ABCA1: variants seen among roughly 807,000 people sequenced by gnomAD.
ABCA1 encodes phospholipid-transporting ATPase ABCA1.
Under a neutral mutation model 262.5 loss-of-function variants are expected in ABCA1, and 133 were observed. That is an observed-to-expected ratio of 0.51 (90% CI 0.44 to 0.59). ABCA1 has a LOEUF of 0.59. Among genes scored for constraint, ABCA1 ranks in the 20% least tolerant of loss-of-function variants. The pLI, the probability that ABCA1 is intolerant of heterozygous loss-of-function variation, is 0.00. For missense variants in ABCA1, 2,452 were observed against 2,777.5 expected, an observed-to-expected ratio of 0.88 and a Z score of 2.63; for synonymous variants, 1,022 against 1,043.5, an observed-to-expected ratio of 0.98 and a Z score of 0.40.
chr9:104,879,073 T>C (rs1292880002), intron 5 of ABCA1, among the ~76,000 whole-genome samples: 1 of 143,296 alleles, frequency 7.0e-6, no homozygotes, highest in African/African-American at 2.6e-5. Flanking sequence ...GGCTCTGTCT[T>C]AAAAAAAAAA....
chr9:104,903,756 C>T lies in ABCA1; in HGVS notation c.-77G>A, dbSNP rs552862064. The T allele has an allele frequency of 5.8e-4, 791 of 1,356,066 alleles. 8 individuals are homozygous for T. The highest frequency in any genetic ancestry group is 1.4e-4 in the Non-Finnish European group (132 of 971,900). 84.0% of individuals were successfully genotyped at this position (1,356,066 alleles called of 1,614,324 possible). ...CGGCCAGAGCTCACAGCAGGGACGC[C>T]GTGGCTGGTCATTAACTGAAAGATA... On this transcript the variant is annotated 5_prime_UTR_variant, in exon 2 of 50. Coordinates refer to ENST00000374736, the MANE Select transcript of ABCA1 (RefSeq NM_005502.4).
At chr9:104,881,001 T>C (rs570429875) in intron 5 of ABCA1, among the ~76,000 whole-genome samples, 56 of 151,868 alleles carry the variant, frequency 3.7e-4, no homozygotes, top group African/African-American at 1.2e-3. Context: ...ATACAAAAAT[T>C]AGTTGGGCAT....
Position 104,784,402 on chromosome 9 carries a change from G to C in ABCA1, c.6699C>G (p.Leu2233=). The C allele has an allele frequency of 6.2e-7, 1 of 1,614,112 alleles. No homozygotes were observed. Among genetic ancestry groups the C allele is most frequent in the Non-Finnish European group, 8.5e-7 (1 of 1,180,000 alleles). The change falls in exon 50 of 50, where the codon CTC becomes CTG. Residue 2233 remains leucine, a synonymous_variant. Coordinates refer to ENST00000374736, the MANE Select transcript of ABCA1 (RefSeq NM_005502.4). ...CTACTGTCTGGTTTTTGTGTAATGA[G>C]AGGTCTTTTAAGTGGTCATCATCAC... is the stretch of plus-strand genomic sequence containing the variant. ...DQSDDDHLKD[L]SLHKNQTVVD...
At chr9:104,912,767 A>G (rs1223621206) in intron 1 of ABCA1, among the ~76,000 whole-genome samples, 2 of 152,228 alleles carry the variant, frequency 1.3e-5, no homozygotes, top group East Asian at 1.9e-4. Flanking sequence ...GCACATAGAA[A>G]AAAAGAATCT....
chr9:104,823,397 T>C (rs1272589418), intron 18 of ABCA1, among the ~76,000 whole-genome samples: 1 of 152,208 alleles, frequency 6.6e-6, no homozygotes, highest in Non-Finnish European at 1.5e-5. Context: ...CCTATGTCAA[T>C]TTCATGGTTT....
chr9:104,902,075 G>A (rs2118423196), intron 2 of ABCA1, among the ~76,000 whole-genome samples: 1 of 152,252 alleles, frequency 6.6e-6, no homozygotes, highest in Non-Finnish European at 1.5e-5. Context: ...TTTGTAACAT[G>A]AGAGGCTGAA....
At chr9:104,806,106 GAA>G in intron 31 of ABCA1, 133 bp downstream of exon 31, 1 of 931,720 alleles carries the variant, frequency 1.1e-6, no homozygotes. Flanking sequence ...CTCCGCCTCA[GAA>G]AAAAAAACAA....
intron 10 of ABCA1, 85 bp from the exon 11 acceptor site, chr9:104,837,181 C>T: frequency 8.3e-7 from 1 of 1,204,588 alleles, no homozygotes; most frequent in Non-Finnish European, 1.2e-6. Context: ...TGAAAAGATA[C>T]CCCATCACAG....
chr9:104,814,858 G>A (rs1831597891), intron 25 of ABCA1, among the ~76,000 whole-genome samples: 1 of 152,200 alleles, frequency 6.6e-6, no homozygotes, highest in Non-Finnish European at 1.5e-5. Context: ...AGCTGGGCGT[G>A]GTAGCACATG....
chr9:104,831,706 C>T lies in ABCA1; in HGVS notation c.1631G>A (p.Gly544Asp). 4 of 1,614,198 alleles carry T rather than the reference C, an allele frequency of 2.5e-6. No individual in the cohort carries two copies. The highest frequency in any genetic ancestry group is 3.4e-6 in the Non-Finnish European group (4 of 1,180,030). ...AGIVFTGITPGSIELPHHVKY... is the reference protein window; with the variant it reads ...AGIVFTGITPDSIELPHHVKY... ...GACATGATGGGGCAGCTCAATGCTG[C>T]CTGGAGTAATTCCAGTGAACACAAT... Residue 544 changes from glycine (G) to aspartate (D), a missense_variant, in exon 13 of 50, where the codon GGC becomes GAC. Gly to Asp is a moderately conservative substitution (Grantham distance 94, BLOSUM62 -1). This residue lies in a region of ABCA1 where 1,032 missense variants were observed against 1,089.7 expected (regional missense o/e 0.95). Coordinates refer to ENST00000374736, the MANE Select transcript of ABCA1 (RefSeq NM_005502.4).
intron 43 of ABCA1, 25 bp downstream of exon 43, chr9:104,791,911 C>T (rs778195396): frequency 7.3e-5 from 118 of 1,610,038 alleles, no homozygotes; most frequent in Middle Eastern, 1.6e-4. Flanking sequence ...TAGGGACAAA[C>T]GCAATATAGA....
At chr9:104,836,012 C>T (rs997193030) in intron 11 of ABCA1, among the ~76,000 whole-genome samples, 5 of 152,188 alleles carry the variant, frequency 3.3e-5, no homozygotes, top group Non-Finnish European at 5.9e-5. Flanking sequence ...CTTAGGTCTA[C>T]GGGGCTAGAT....
intron 1 of ABCA1, among the ~76,000 whole-genome samples, chr9:104,915,251 T>C (rs1841773890): frequency 6.6e-6 from 1 of 152,224 alleles, no homozygotes. Context: ...GAGACAGTCA[T>C]ATGTCATGTG....
At chr9:104,915,492 T>C (rs1181813279) in intron 1 of ABCA1, among the ~76,000 whole-genome samples, 2 of 152,236 alleles carry the variant, frequency 1.3e-5, no homozygotes, top group African/African-American at 4.8e-5. Context: ...CACTTACTTG[T>C]GATTCTGAAA....
At chr9:104,854,877 G>C (rs1453453056) in intron 7 of ABCA1, among the ~76,000 whole-genome samples, 2 of 152,200 alleles carry the variant, frequency 1.3e-5, no homozygotes, top group African/African-American at 4.8e-5. Flanking sequence ...CTTTTGAGTT[G>C]AGTCCAGCTC....
intron 29 of ABCA1, among the ~76,000 whole-genome samples, chr9:104,810,141 C>CATATATATATAT (rs35876406): frequency 5.2e-4 from 66 of 126,836 alleles, no homozygotes; most frequent in East Asian, 9.5e-4. Context: ...ATTCACATTA[C>CATATATATATAT]ATATATATAT....
In ABCA1 at chr9:104,845,578, AG is replaced by A. The variant is rs572535481; in HGVS notation, c.721-10del. 1.8e-4 allele frequency: 284 copies of A among 1,594,996 alleles called. No homozygotes were observed. The African/African-American group carries it at 3.7e-3, about 21-fold the overall frequency. ...GTAGAGTTTAGTGTTCTCTGTAATG[AG>A]AAAGAAAACTTTGTTTCTGAATTCA... On this transcript the variant is annotated splice_polypyrimidine_tract_variant and intron_variant, in intron 7 of 49. Transcript: ENST00000374736.
intron 3 of ABCA1, among the ~76,000 whole-genome samples, chr9:104,885,588 C>G (rs1839098915): frequency 6.6e-6 from 1 of 152,158 alleles, no homozygotes; most frequent in African/African-American, 2.4e-5. Flanking sequence ...ACTAGGTCAT[C>G]CTCTTGCTCT....
intron 28 of ABCA1, among the ~76,000 whole-genome samples, chr9:104,811,173 T>A (rs1280730172): frequency 6.6e-6 from 1 of 152,250 alleles, no homozygotes; most frequent in African/African-American, 2.4e-5. Context: ...GCAGAGGCAC[T>A]AAGCCAAGAA....
Sources: gnomAD v4.1 joint callset for allele counts (sites outside exome capture counted in the v4.1 genomes callset) on GRCh38, gnomAD v4.1.1 for gene constraint, gnomAD v4.1.1 regional missense constraint, MANE v1.5 for transcripts, NCBI Gene and HGNC (gene_info 2026-07-23, HGNC 2026-07-21) for gene names.